INTS15: variants seen among roughly 807,000 people sequenced by gnomAD.
INTS15 encodes uncharacterized protein C7orf26.
chr7:6,602,751 A>G, the INTS15 span: 1 of 471,188 alleles, frequency 2.1e-6, no homozygotes, highest in Non-Finnish European at 4.4e-6. Flanking sequence ...CGCAGTCATC[A>G]GGTGAAAAGT....
chr7:6,596,332 G>A, the INTS15 span, among the ~76,000 whole-genome samples: 2 of 149,684 alleles, frequency 1.3e-5, no homozygotes, highest in Non-Finnish European at 3.0e-5. Flanking sequence ...GGGATTACAG[G>A]CGTGAGCCAC....
At chr7:6,602,312 C>G in the INTS15 span, 1 of 571,294 alleles carries the variant, frequency 1.8e-6, no homozygotes, top group South Asian at 2.2e-5. Context: ...GAAAGTAAAC[C>G]TGAAAAATGG....
chr7:6,592,276 T>C, the INTS15 span, among the ~76,000 whole-genome samples: 28 of 151,748 alleles, frequency 1.8e-4, no homozygotes, highest in African/African-American at 6.0e-4. Flanking sequence ...GTTTAAATTA[T>C]TTTTTTTGGC....
chr7:6,599,332 A>G, the INTS15 span, among the ~76,000 whole-genome samples: 62,425 of 151,650 alleles, frequency 0.41, 14,345 homozygotes, highest in African/African-American at 0.62. Flanking sequence ...GAGGGTTCCA[A>G]GTTTGGGGTT....
the INTS15 span, chr7:6,602,216 T>A: frequency 4.2e-5 from 55 of 1,297,426 alleles, no homozygotes; most frequent in Non-Finnish European, 6.0e-5. Context: ...GGCGAGCCCC[T>A]TTGTCCTGGG....
chr7:6,591,519 C>T, the INTS15 span: 67 of 756,320 alleles, frequency 8.9e-5, no homozygotes, highest in Middle Eastern at 5.1e-4. Context: ...CCACCTTGGC[C>T]TCCCAAAGTG....
At chr7:6,606,712 T>TC in the INTS15 span, among the ~76,000 whole-genome samples, 2 of 142,936 alleles carry the variant, frequency 1.4e-5, no homozygotes, top group African/African-American at 5.1e-5. Flanking sequence ...TTTTTTTTTT[T>TC]CTTTGAGACA....
the INTS15 span, chr7:6,590,544 A>C: frequency 7.0e-7 from 1 of 1,430,988 alleles, no homozygotes; most frequent in South Asian, 1.5e-5. Flanking sequence ...CCAGCGATGC[A>C]GGGCTGTGTC....
chr7:6,590,227 C>T, the INTS15 span: 17 of 1,402,794 alleles, frequency 1.2e-5, no homozygotes, highest in Admixed American at 3.0e-5. Context: ...GCGGCGCAGT[C>T]CCGGGCCCCG....
chr7:6,592,221 G>A, the INTS15 span, among the ~76,000 whole-genome samples: 6 of 151,578 alleles, frequency 4.0e-5, no homozygotes, highest in Admixed American at 2.6e-4. Flanking sequence ...TTTGCTGTTC[G>A]GAATTCTCAT....
the INTS15 span, chr7:6,594,375 G>T: frequency 1.3e-6 from 2 of 1,573,336 alleles, no homozygotes; most frequent in East Asian, 4.5e-5. Context: ...TGTGTGCATA[G>T]TTGCTGGTCT....
the INTS15 span, among the ~76,000 whole-genome samples, chr7:6,606,455 C>T: frequency 0.015 from 2,241 of 152,194 alleles, 70 homozygotes; most frequent in African/African-American, 0.051. Flanking sequence ...TATGCAGGGA[C>T]GGAGCCTTGG....
At chr7:6,592,331 C>G in the INTS15 span, among the ~76,000 whole-genome samples, 22 of 151,938 alleles carry the variant, frequency 1.4e-4, no homozygotes, top group African/African-American at 5.3e-4. Context: ...TTTGGGAGGC[C>G]GAAGGGGGGC....
the INTS15 span, chr7:6,590,074 C>T: frequency 6.4e-6 from 2 of 314,572 alleles, no homozygotes; most frequent in South Asian, 1.6e-4. Flanking sequence ...CCTGGCGGCG[C>T]CGCAGTCGGA....
chr7:6,603,861 A>G, the INTS15 span, among the ~76,000 whole-genome samples: 1,608 of 152,098 alleles, frequency 0.011, 34 homozygotes, highest in African/African-American at 0.037. Flanking sequence ...TTGGCCAAAT[A>G]TGGTGGCGTG....
the INTS15 span, chr7:6,594,349 C>T: frequency 7.3e-7 from 1 of 1,376,916 alleles, no homozygotes; most frequent in Admixed American, 1.9e-5. Flanking sequence ...TCTGCCATTT[C>T]TGGAGGTGGT....
At chr7:6,594,656 A>C in the INTS15 span, 1 of 1,542,678 alleles carries the variant, frequency 6.5e-7, no homozygotes. Flanking sequence ...GGCTAGTTTT[A>C]TTTTCCACTG....
the INTS15 span, among the ~76,000 whole-genome samples, chr7:6,603,818 A>G: frequency 6.6e-6 from 1 of 152,056 alleles, no homozygotes; most frequent in Non-Finnish European, 1.5e-5. Context: ...CAGCCTGGGC[A>G]ATAAGAGCAA....
the INTS15 span, among the ~76,000 whole-genome samples, chr7:6,595,848 G>A: frequency 6.6e-6 from 1 of 152,054 alleles, no homozygotes; most frequent in Non-Finnish European, 1.5e-5. Context: ...AGGCCTGGCT[G>A]ACAAAACCTG....
Sources: allele counts gnomAD v4.1 joint callset (sites outside exome capture counted in the v4.1 genomes callset), GRCh38; gene constraint gnomAD v4.1.1; transcripts MANE v1.5; gene names NCBI Gene and HGNC (gene_info 2026-07-23, HGNC 2026-07-21).